IRF2: variants seen among roughly 807,000 people sequenced by gnomAD.
IRF2 encodes interferon regulatory factor 2.
In IRF2, 15 loss-of-function variants were observed where a neutral mutation model predicts 40.6. The ratio of observed to expected loss-of-function variants is 0.37; its 90% CI spans 0.25 to 0.57. The LOEUF (loss-of-function observed/expected upper bound fraction) is 0.57, where lower values mean the gene tolerates loss of function less well. IRF2 is among the 20% of genes least tolerant of loss of function. The pLI is 0.77. For synonymous variants in IRF2, 151 were observed against 165.5 expected (o/e 0.91, Z 0.67); for missense variants, 317 against 455.7 (o/e 0.70, Z 2.77).
intron 1 of IRF2, chr4:184,471,818 C>T (rs1739523088): frequency 6.6e-6 from 1 of 152,192 alleles, no homozygotes; most frequent in African/African-American, 2.4e-5. Flanking sequence ...CCATAATTTG[C>T]TTCCAGTTTG....
intron 5 of IRF2, among the ~76,000 whole-genome samples, chr4:184,410,140 T>G (rs1737019762): frequency 6.6e-6 from 1 of 152,110 alleles, no homozygotes; most frequent in African/African-American, 2.4e-5. Context: ...AGCTCGGGCT[T>G]TGGAATCAGA....
At chr4:184,405,210 C>T (rs576507181) in intron 6 of IRF2, among the ~76,000 whole-genome samples, 8 of 152,324 alleles carry the variant, frequency 5.3e-5, no homozygotes, top group African/African-American at 9.6e-5. Context: ...TGCCACTGCA[C>T]TCCAGCCTGG....
In IRF2 at chr4:184,408,440, C is replaced by T. The variant is rs965067305; in HGVS notation, c.412-165G>A. On this transcript the variant is annotated intron_variant, in intron 5 of 8. Transcript: ENST00000393593. This position sits in a 1 kb window ranked among gnomAD's most constrained non-coding sequence, Gnocchi z 4.9. Reference sequence around the variant, plus strand: ...CTTTAAACTGGCCTGTTTTAAAGCACATTTCTGCCCAGGGTGCACTGCTGG... The same window carrying T: ...CTTTAAACTGGCCTGTTTTAAAGCATATTTCTGCCCAGGGTGCACTGCTGG... Among the ~76,000 whole-genome samples, 1 of 152,202 alleles carries T rather than the reference C, an allele frequency of 6.6e-6. No homozygotes were observed. The highest frequency in any genetic ancestry group is 2.4e-5 in the African/African-American group (1 of 41,458).
In IRF2 at chr4:184,445,874, C is replaced by T. The variant is rs1046495691; in HGVS notation, c.-6-16804G>A. ...CTGGAGCCTGTGAATGTGACCTTTT[C>T]TGCATATGGAGTCTGTGCAGATATA... On this transcript the variant is annotated intron_variant, in intron 1 of 8. Coordinates refer to ENST00000393593, the MANE Select transcript of IRF2 (RefSeq NM_002199.4). 5.9e-5 allele frequency among the ~76,000 whole-genome samples: 9 copies of T among 152,262 alleles called. No homozygotes were observed. The South Asian group carries it at 1.9e-3, about 32-fold the overall frequency.
At chr4:184,424,415 A>G (rs1737594431) in intron 2 of IRF2, among the ~76,000 whole-genome samples, 1 of 152,182 alleles carries the variant, frequency 6.6e-6, no homozygotes, top group Admixed American at 6.5e-5. Context: ...CTGAGAGGTG[A>G]GGCCTTTAAG....
intron 1 of IRF2, among the ~76,000 whole-genome samples, chr4:184,456,153 C>T (rs2149915176): frequency 6.6e-6 from 1 of 152,332 alleles, no homozygotes; most frequent in Non-Finnish European, 1.5e-5. Flanking sequence ...TTCGAGTTCC[C>T]TCTCTGCATC....
intron 7 of IRF2, among the ~76,000 whole-genome samples, chr4:184,395,412 CA>C (rs34566726): frequency 1.4e-3 from 93 of 67,090 alleles, no homozygotes; most frequent in African/African-American, 4.1e-3. Context: ...GACTCCGTCT[CA>C]AAAAAAAAAA....
chr4:184,431,105 TGG>T (rs1356957055), intron 1 of IRF2, among the ~76,000 whole-genome samples: 1 of 152,170 alleles, frequency 6.6e-6, no homozygotes, highest in Non-Finnish European at 1.5e-5. Context: ...AGGGCCTAGG[TGG>T]GGTGCCGTCA....
rs1385078453 is a variant in IRF2, at chr4:184,388,064, C to T, written c.*694G>A. The T allele has an allele frequency of 1.3e-5, 2 of 152,544 alleles. No individual in the cohort carries two copies. The highest frequency in any genetic ancestry group is 4.8e-5 in the African/African-American group (2 of 41,412). The allele number at this position is 152,544 out of a possible 1,614,324, so 9.4% of individuals were successfully genotyped here. A position where few individuals can be genotyped will look rare whatever the true frequency, so the allele number is the denominator to read the frequency against. ...TTTCCATGATACTTTTTCCTTTGTA[C>T]CGCGTGGCATTCAAGCATAGCAGAT... On this transcript the variant is annotated 3_prime_UTR_variant, in exon 9 of 9. Coordinates refer to ENST00000393593, the MANE Select transcript of IRF2 (RefSeq NM_002199.4). The surrounding 1 kb of genome is among the most constrained non-coding windows in gnomAD (Gnocchi z 4.6).
intron 1 of IRF2, among the ~76,000 whole-genome samples, chr4:184,447,412 G>A (rs1738551124): frequency 6.6e-6 from 1 of 152,158 alleles, no homozygotes; most frequent in Admixed American, 6.5e-5. Context: ...ATAAATGTAG[G>A]AAGAATGATG....
At chr4:184,472,105 A>C (rs1394514494) in intron 1 of IRF2, 1 of 152,256 alleles carries the variant, frequency 6.6e-6, no homozygotes, top group Non-Finnish European at 1.5e-5. Flanking sequence ...TAGATGTTCC[A>C]ACGTTCCCCC....
At position 184,419,577 on chromosome 4, in the gene IRF2, A is replaced by AAAG. The variant is rs1737406588; in HGVS notation, c.88-10_88-9insCTT. ...TGAAAAATCTTCTTTTCCTGAAAAA[A>AAAG]AAAAAAAAAAAAAAGGTAAAGAACT... On this transcript the variant is annotated splice_polypyrimidine_tract_variant and intron_variant, in intron 2 of 8. Transcript: ENST00000393593. 1 of 1,542,590 alleles carries AAAG rather than the reference A, an allele frequency of 6.5e-7. No individual in the cohort carries two copies. The highest frequency in any genetic ancestry group is 1.4e-5 in the African/African-American group (1 of 71,882).
intron 1 of IRF2, chr4:184,472,739 C>T (rs1187796121): frequency 6.6e-6 from 1 of 152,334 alleles, no homozygotes; most frequent in Non-Finnish European, 1.5e-5. Context: ...GAGCGAAAGC[C>T]ACCTCGCTCT....
At chr4:184,447,254 T>C (rs1008405466) in intron 1 of IRF2, among the ~76,000 whole-genome samples, 4 of 152,196 alleles carry the variant, frequency 2.6e-5, no homozygotes, top group Admixed American at 2.6e-4. Context: ...GAACCCAACC[T>C]GATGGAGCTC....
intron 1 of IRF2, among the ~76,000 whole-genome samples, chr4:184,429,314 G>A (rs533196920): frequency 2.0e-5 from 3 of 152,272 alleles, no homozygotes; most frequent in South Asian, 4.1e-4. Context: ...GGGTCCTATG[G>A]ACATTGGAGA....
chr4:184,429,898 G>T (rs1192550988), intron 1 of IRF2, among the ~76,000 whole-genome samples: 2 of 152,222 alleles, frequency 1.3e-5, no homozygotes, highest in East Asian at 3.9e-4. Flanking sequence ...GATCCAGAGG[G>T]GAATCACTAA....
intron 1 of IRF2, among the ~76,000 whole-genome samples, chr4:184,433,553 T>C (rs753261302): frequency 6.6e-6 from 1 of 152,230 alleles, no homozygotes; most frequent in Non-Finnish European, 1.5e-5. Context: ...CTGTTACTAA[T>C]TATAGGTAAC....
intron 1 of IRF2, among the ~76,000 whole-genome samples, chr4:184,452,475 G>A (rs1003638740): frequency 6.6e-6 from 1 of 152,126 alleles, no homozygotes; most frequent in African/African-American, 2.4e-5. Flanking sequence ...AGTGCAGACC[G>A]GGCGCAGCAA....
At chr4:184,444,044 G>T (rs1225258566) in intron 1 of IRF2, among the ~76,000 whole-genome samples, 1 of 152,176 alleles carries the variant, frequency 6.6e-6, no homozygotes, top group Non-Finnish European at 1.5e-5. Context: ...GACACCCGAG[G>T]TCTGACAGCC....
Sources: gnomAD v4.1 joint callset for allele counts (sites outside exome capture counted in the v4.1 genomes callset) on GRCh38, gnomAD v4.1.1 for gene constraint, Gnocchi (gnomAD v3.1) non-coding constraint, MANE v1.5 for transcripts, NCBI Gene and HGNC (gene_info 2026-07-23, HGNC 2026-07-21) for gene names.